MAP4K1: variants seen among roughly 807,000 people sequenced by gnomAD.
MAP4K1 encodes MAPK/ERK kinase kinase kinase 1.
Under a neutral mutation model 122.8 loss-of-function variants are expected in MAP4K1, and 35 were observed. The ratio of observed to expected loss-of-function variants is 0.29; its 90% confidence interval spans 0.22 to 0.38. The LOEUF (loss-of-function observed/expected upper bound fraction) is 0.38, where lower values mean the gene tolerates loss of function less well. MAP4K1 is among the 10% of genes least tolerant of loss of function. The probability of loss-of-function intolerance (pLI) is 1.00; values close to 1 mark genes in which losing one functional copy is unlikely to be tolerated. For missense variants in MAP4K1, 791 were observed against 1,072.6 expected (o/e 0.74, Z 3.67); for synonymous variants, 412 against 421.3 (o/e 0.98, Z 0.27).
intron 29 of MAP4K1, 163 bp from the exon 30 acceptor site, chr19:38,593,500 C>G (rs533840170): frequency 2.1e-6 from 1 of 475,838 alleles, no homozygotes; most frequent in African/African-American, 2.0e-5. Flanking sequence ...GTCAGGAGTT[C>G]GAGACCAGCC....
intron 18 of MAP4K1, 32 bp from the exon 19 acceptor site, chr19:38,605,523 A>T (rs763720063): frequency 2.1e-5 from 32 of 1,541,272 alleles, no homozygotes; most frequent in Non-Finnish European, 2.4e-5. Flanking sequence ...TCAGCCCCCA[A>T]GAACCCCCAA....
intron 19 of MAP4K1, among the ~76,000 whole-genome samples, chr19:38,605,086 TAA>T (rs762922462): frequency 7.2e-4 from 90 of 124,578 alleles, no homozygotes; most frequent in Admixed American, 1.0e-3. Flanking sequence ...ACTCCGTCTT[TAA>T]AAAAAAAAAA....
chr19:38,605,804 T>G (rs1975312081), intron 17 of MAP4K1, 74 bp from the exon 18 acceptor site: 1 of 1,416,672 alleles, frequency 7.1e-7, no homozygotes, highest in South Asian at 1.3e-5. Flanking sequence ...GCAACTCAAG[T>G]CCCTGCCTCC....
chr19:38,594,992 T>G (rs1270661583), intron 29 of MAP4K1, among the ~76,000 whole-genome samples: 2 of 150,472 alleles, frequency 1.3e-5, no homozygotes, highest in African/African-American at 2.5e-5. Flanking sequence ...TATCTATCTA[T>G]CTATAAAATA....
intron 30 of MAP4K1, among the ~76,000 whole-genome samples, chr19:38,588,847 A>T (rs1330425847): frequency 3.3e-5 from 5 of 151,692 alleles, no homozygotes; most frequent in Non-Finnish European, 4.4e-5. Context: ...TGAACCTGGG[A>T]GGCAGAGGTT....
chr19:38,591,026 G>A (rs1166474881), intron 30 of MAP4K1, among the ~76,000 whole-genome samples: 2 of 151,170 alleles, frequency 1.3e-5, no homozygotes, highest in Admixed American at 6.6e-5. Context: ...TGGTGTGTGC[G>A]CATAAGAAAG....
chr19:38,604,253 A>G (rs10445564), intron 19 of MAP4K1, among the ~76,000 whole-genome samples: 34,963 of 151,914 alleles, frequency 0.23, 5,084 homozygotes, highest in East Asian at 0.39. Context: ...GGCATTATGC[A>G]TGTACGTAAA....
Position 38,596,381 on chromosome 19 carries a change from C to A in MAP4K1, c.2047G>T (p.Gly683Trp). ...ACCGTGTGGAAGAGCACCGACTTCC[C>A]CGGCCGCCCGGGGCTCACGCCGATG... is the stretch of plus-strand genomic sequence containing the variant. ...VCIGVSPGRPGKSVLFHTVRF... is the reference protein window; with the variant it reads ...VCIGVSPGRPWKSVLFHTVRF... Residue 683 changes from glycine (G) to tryptophan (W), a missense_variant, in exon 26 of 31, where the codon GGG becomes TGG. This residue lies in a region of MAP4K1 where 267 missense variants were observed against 323.0 expected (regional missense o/e 0.83). Coordinates refer to ENST00000396857, the MANE Select transcript of MAP4K1 (RefSeq NM_001042600.3). 6.3e-7 allele frequency: 1 copy of A among 1,598,544 alleles called. No individual in the cohort carries two copies.
chr19:38,612,192 G>A (rs1975517327), intron 9 of MAP4K1, among the ~76,000 whole-genome samples: 1 of 151,060 alleles, frequency 6.6e-6, no homozygotes, highest in African/African-American at 2.4e-5. Context: ...AGCCAAGATG[G>A]GCAGATAACC....
At position 38,611,322 on chromosome 19, in the gene MAP4K1, A is replaced by G. The variant is rs749668260; in HGVS notation, c.666-17T>C. 3 of 1,596,322 alleles carry G rather than the reference A, an allele frequency of 1.9e-6. No homozygotes were observed. Among genetic ancestry groups the G allele is most frequent in the African/African-American group, 1.3e-5 (1 of 74,538 alleles). The stretch of plus-strand genomic sequence containing the variant: ...AAGAGAACTCTAGAATAGTAGGGAA[A>G]GGACATGGGGTTCAGACCCTCAAGG... On this transcript the variant is annotated splice_polypyrimidine_tract_variant and intron_variant, in intron 9 of 30. Transcript: ENST00000396857.
At chr19:38,601,677 C>T (rs902251420) in intron 19 of MAP4K1, 152 bp from the exon 20 acceptor site, 2 of 593,458 alleles carry the variant, frequency 3.4e-6, no homozygotes, top group Non-Finnish European at 5.9e-6. Flanking sequence ...CCCTGTAATA[C>T]ACTTTTTCAT....
Position 38,600,086 on chromosome 19 carries a change from C to T in MAP4K1, c.1599G>A (p.Thr533=), listed in dbSNP as rs772511208. The T allele has an allele frequency of 9.9e-6, 16 of 1,614,160 alleles. No individual in the cohort carries two copies. Among genetic ancestry groups the T allele is most frequent in the South Asian group, 5.5e-5 (5 of 91,080 alleles). The stretch of plus-strand genomic sequence containing the variant: ...CGGTATGGTTCCTCACCATTTCCAG[C>T]GTGGCCTCCTGGTCATTCCGGTTCA... ...FILNRNDQEA[T]LEMLFPSRTT... is the part of the protein sequence containing the mutation. Residue 533 remains threonine, a synonymous_variant, in exon 21 of 31, where the codon ACG becomes ACA. Transcript: ENST00000396857.
chr19:38,605,707 G>T lies in MAP4K1; in HGVS notation c.1224C>A (p.Asp408Glu). ...PPKPKFRSPSDEGPGSMGDDG... is the reference protein window; with the variant it reads ...PPKPKFRSPSEEGPGSMGDDG... ...CATCCCCCATGCTCCCAGGACCCTCGTCTGATGGAGAACGGAACTTGGGCT... is the reference window on the plus strand; with the variant it reads ...CATCCCCCATGCTCCCAGGACCCTCTTCTGATGGAGAACGGAACTTGGGCT... The change falls in exon 18 of 31, where the codon GAC becomes GAA. Residue 408 changes from aspartate to glutamate, a missense_variant. Asp to Glu is a conservative substitution (Grantham distance 45, BLOSUM62 2). Around this residue, in one of 4 missense-constraint regions of MAP4K1, gnomAD observed 303 missense variants for 344.8 expected, o/e 0.88. Transcript: ENST00000396857. 6.2e-7 allele frequency: 1 copy of T among 1,607,138 alleles called. No individual in the cohort carries two copies. The highest frequency in any genetic ancestry group is 8.5e-7 in the Non-Finnish European group (1 of 1,178,470).
intron 19 of MAP4K1, among the ~76,000 whole-genome samples, chr19:38,602,163 C>G (rs1217745613): frequency 6.6e-6 from 1 of 152,128 alleles, no homozygotes; most frequent in Non-Finnish European, 1.5e-5. Flanking sequence ...GCAACCTCCA[C>G]CTCCTGGGCT....
At position 38,609,530 on chromosome 19, in the gene MAP4K1, G is replaced by A; in HGVS notation, c.1006+66C>T. 3 of 1,405,664 alleles carry A rather than the reference G, an allele frequency of 2.1e-6. No individual in the cohort carries two copies. In the South Asian group the frequency reaches 3.6e-5, roughly 17 times the overall value. The allele number at this position is 1,405,664 out of a possible 1,614,324, so 87.1% of individuals were successfully genotyped here. On this transcript the variant is annotated intron_variant, in intron 13 of 30. Transcript: ENST00000396857. ...AGGGTCTCTGGAGGCCTGATGGTAG[G>A]GGAAGGTGGTCTCTTAGGTCTATTA...
chr19:38,607,474 C>T (rs1304107281), intron 16 of MAP4K1, among the ~76,000 whole-genome samples: 7 of 148,844 alleles, frequency 4.7e-5, no homozygotes, highest in South Asian at 2.2e-4. Flanking sequence ...ACAGGAGAAT[C>T]GCTTGAACCC....
intron 30 of MAP4K1, chr19:38,592,433 AAT>A (rs1348520352): frequency 6.1e-4 from 91 of 150,096 alleles, no homozygotes; most frequent in African/African-American, 2.2e-3. Flanking sequence ...AAAATAGCCA[AAT>A]GTGGTGGTAC....
intron 18 of MAP4K1, 30 bp downstream of exon 18, chr19:38,605,538 C>T (rs766638657): frequency 2.7e-6 from 4 of 1,505,728 alleles, no homozygotes; most frequent in Non-Finnish European, 3.6e-6. Flanking sequence ...CCCCAACCCT[C>T]CCGCCCTCCA....
intron 22 of MAP4K1, among the ~76,000 whole-genome samples, chr19:38,599,377 T>C (rs984341626): frequency 7.3e-5 from 10 of 137,534 alleles, no homozygotes; most frequent in African/African-American, 2.2e-4. Context: ...AAGGCTAATC[T>C]AAGGCCAGGT....
Sources: gnomAD v4.1 joint callset for allele counts (sites outside exome capture counted in the v4.1 genomes callset) on GRCh38, gnomAD v4.1.1 for gene constraint, gnomAD v4.1.1 regional missense constraint, MANE v1.5 for transcripts, NCBI Gene and HGNC (gene_info 2026-07-23, HGNC 2026-07-21) for gene names.